The following LCORL variants were observed in gnomAD, a reference collection of about 807,000 sequenced individuals.
LCORL encodes the protein ligand dependent nuclear receptor corepressor like, also known as ligand-dependent nuclear receptor corepressor-like protein.
LCORL carries 41 observed loss-of-function variants against 141.8 expected under a neutral mutation model. The ratio of observed to expected loss-of-function variants is 0.29; its 90% CI spans 0.23 to 0.38. The LOEUF (loss-of-function observed/expected upper bound fraction) is 0.38, where lower values mean the gene tolerates loss of function less well. LCORL is among the 10% of genes least tolerant of loss of function. The pLI, the probability that LCORL is intolerant of heterozygous loss-of-function variation, is 1.00. For synonymous variants in LCORL, 618 were observed against 694.1 expected, an observed-to-expected ratio of 0.89 and a Z score of 1.72; for missense variants, 1,759 against 2,035.0, an observed-to-expected ratio of 0.86 and a Z score of 2.61.
intron 1 of LCORL, among the ~76,000 whole-genome samples, chr4:18,002,157 TC>T (rs745931902): frequency 2.3e-4 from 35 of 152,174 alleles, no homozygotes; most frequent in Non-Finnish European, 4.7e-4. Context: ...TGCTCTGAGG[TC>T]TTTCTACCCA....
At chr4:17,981,548 G>C (rs1344154910) in intron 1 of LCORL, among the ~76,000 whole-genome samples, 6 of 151,970 alleles carry the variant, frequency 3.9e-5, no homozygotes, top group Non-Finnish European at 8.8e-5. Context: ...CTTGAGTCTG[G>C]GAAACATGGT....
chr4:17,877,423 C>T, exon 7 of LCORL: 3 of 1,229,454 alleles, frequency 2.4e-6, no homozygotes, highest in South Asian at 8.2e-5. Context: ...ACAGCAGTTT[C>T]ACCTTTTTCA....
chr4:18,019,445 T>C (rs1725142005), intron 1 of LCORL, among the ~76,000 whole-genome samples: 1 of 152,214 alleles, frequency 6.6e-6, no homozygotes, highest in African/African-American at 2.4e-5. Context: ...AGGGACAAAA[T>C]TTCTTTTCAC....
intron 1 of LCORL, among the ~76,000 whole-genome samples, chr4:17,973,288 CAAG>C (rs1716325700): frequency 6.6e-6 from 1 of 151,652 alleles, no homozygotes; most frequent in African/African-American, 2.4e-5. Context: ...ACATCAATTA[CAAG>C]AATGAGTAAA....
exon 8 of LCORL, chr4:17,844,315 C>T: frequency 6.6e-6 from 1 of 152,230 alleles, no homozygotes; most frequent in South Asian, 2.1e-4. Context: ...TTCTGCAATA[C>T]CCAACGAAAC....
intron 1 of LCORL, among the ~76,000 whole-genome samples, chr4:17,974,801 C>G (rs542435488): frequency 6.6e-6 from 1 of 152,166 alleles, no homozygotes; most frequent in African/African-American, 2.4e-5. Flanking sequence ...ACTATTTAGG[C>G]TATCGATTTC....
intron 4 of LCORL, among the ~76,000 whole-genome samples, chr4:17,945,806 T>G (rs1412025138): frequency 6.6e-6 from 1 of 151,660 alleles, no homozygotes; most frequent in South Asian, 2.1e-4. Flanking sequence ...TGACAACGTA[T>G]ATGTTAAAAA....
intron 1 of LCORL, among the ~76,000 whole-genome samples, chr4:17,974,349 T>C (rs1436332021): frequency 6.6e-6 from 1 of 152,180 alleles, no homozygotes; most frequent in Non-Finnish European, 1.5e-5. Context: ...TTCCACTTCA[T>C]GAAATTCTTA....
intron 7 of LCORL, among the ~76,000 whole-genome samples, chr4:17,861,460 C>A (rs557206366): frequency 6.6e-6 from 1 of 152,300 alleles, no homozygotes; most frequent in East Asian, 1.9e-4. Flanking sequence ...AGCACGGGGA[C>A]CCTGGGCCTG....
At chr4:17,981,758 T>A (rs945128047) in intron 1 of LCORL, among the ~76,000 whole-genome samples, 1 of 151,922 alleles carries the variant, frequency 6.6e-6, no homozygotes, top group African/African-American at 2.4e-5. Context: ...CTTATTACTT[T>A]TATTTTAGGT....
intron 1 of LCORL, among the ~76,000 whole-genome samples, chr4:17,998,985 A>T (rs13116498): frequency 2.5e-3 from 146 of 57,830 alleles, no homozygotes; most frequent in Middle Eastern, 0.016. Flanking sequence ...AAAAAAAAAA[A>T]ATATATATAT....
At chr4:17,938,658 C>T (rs1332798858) in intron 4 of LCORL, among the ~76,000 whole-genome samples, 2 of 152,044 alleles carry the variant, frequency 1.3e-5, no homozygotes, top group Non-Finnish European at 2.9e-5. Flanking sequence ...GGTGATCCAC[C>T]CGCCTCAGCC....
chr4:17,930,250 C>A (rs1735793217), intron 4 of LCORL, among the ~76,000 whole-genome samples: 1 of 152,144 alleles, frequency 6.6e-6, no homozygotes, highest in Non-Finnish European at 1.5e-5. Context: ...TGCCTGTAGC[C>A]CCAGCTACTC....
chr4:17,884,265 C>A lies in LCORL; in HGVS notation c.776+1803G>T, dbSNP rs71603386. The A allele has an allele frequency of 1.9e-6, 3 of 1,550,746 alleles. No individual in the cohort carries two copies. Among genetic ancestry groups the A allele is most frequent in the Non-Finnish European group, 2.6e-6 (3 of 1,146,410 alleles). ...GAACCATCAGGTTGTGATTTTGAGA[C>A]AGAACTTACTCGTAGCTGAGGAATT... On this transcript the variant is annotated intron_variant, in intron 6 of 7. Transcript: ENST00000635767. This position sits in a 1 kb window ranked among gnomAD's most constrained non-coding sequence, Gnocchi z 4.4.
chr4:17,918,655 G>C lies in LCORL; in HGVS notation c.431-9310C>G, dbSNP rs556333123. 2.6e-5 allele frequency among the ~76,000 whole-genome samples: 4 copies of C among 152,256 alleles called. No individual in the cohort carries two copies. In the South Asian group the frequency reaches 8.3e-4, roughly 32 times the overall value. ...AACATAGGCAGGTTGAGATCATTCA[G>C]TCTAAGGACAAAGATGCAGAGGGTA... On this transcript the variant is annotated intron_variant, in intron 4 of 7. Coordinates refer to ENST00000635767, the Ensembl canonical transcript of LCORL.
chr4:17,870,081 C>T (rs1309970603), intron 7 of LCORL, among the ~76,000 whole-genome samples: 2 of 152,068 alleles, frequency 1.3e-5, no homozygotes, highest in African/African-American at 4.8e-5. Flanking sequence ...TTTCCCACTC[C>T]CTCCTGATCC....
chr4:17,892,222 T>G (rs1288276894), intron 5 of LCORL, among the ~76,000 whole-genome samples: 1 of 149,862 alleles, frequency 6.7e-6, no homozygotes, highest in Non-Finnish European at 1.5e-5. Context: ...TTTTTTTTTT[T>G]TTTTGAGACG....
At chr4:17,870,988 C>T (rs940464560) in intron 7 of LCORL, among the ~76,000 whole-genome samples, 9 of 152,070 alleles carry the variant, frequency 5.9e-5, no homozygotes, top group Non-Finnish European at 8.8e-5. Context: ...TTCAAAATCT[C>T]ATATACACTG....
intron 4 of LCORL, among the ~76,000 whole-genome samples, chr4:17,933,459 C>T (rs779853184): frequency 1.2e-4 from 18 of 151,940 alleles, no homozygotes; most frequent in Non-Finnish European, 2.4e-4. Context: ...ATCTATTCTC[C>T]TTTGAAATTA....
Sources: gnomAD v4.1 joint callset for allele counts (sites outside exome capture counted in the v4.1 genomes callset) on GRCh38, gnomAD v4.1.1 for gene constraint, Gnocchi (gnomAD v3.1) non-coding constraint, MANE v1.5 for transcripts, NCBI Gene and HGNC (gene_info 2026-07-23, HGNC 2026-07-21) for gene names.